Variants in C10orf90 observed in about 807,000 individuals in gnomAD.
The protein encoded by C10orf90 is (E2-independent) E3 ubiquitin-conjugating enzyme FATS.
C10orf90 carries 56 observed loss-of-function variants against 62.5 expected under a neutral mutation model. That is an observed-to-expected ratio of 0.90 (90% CI 0.72 to 1.12). The LOEUF (loss-of-function observed/expected upper bound fraction) is 1.12, where lower values mean the gene tolerates loss of function less well. Ranked by LOEUF, C10orf90 falls within the 50% of genes most tolerant of loss-of-function variation. The pLI, the probability that C10orf90 is intolerant of heterozygous loss-of-function variation, is 0.00. For synonymous variants in C10orf90, 386 were observed against 340.4 expected (o/e 1.13, Z -1.47); for missense variants, 970 against 880.4 (o/e 1.10, Z -1.29).
chr10:126,582,392 C>T (rs188653240), intron 2 of C10orf90, among the ~76,000 whole-genome samples: 5 of 152,304 alleles, frequency 3.3e-5, no homozygotes, highest in African/African-American at 1.2e-4. Flanking sequence ...TTTCTTTTAT[C>T]CTTTTCCACA....
chr10:126,575,158 C>T (rs113212663), intron 2 of C10orf90, among the ~76,000 whole-genome samples: 116 of 151,934 alleles, frequency 7.6e-4, no homozygotes, highest in Admixed American at 1.4e-3. Context: ...CAGAGCAATT[C>T]GGCAAGAAAA....
At chr10:126,538,908 G>A (rs550346921) in intron 2 of C10orf90, among the ~76,000 whole-genome samples, 1 of 152,210 alleles carries the variant, frequency 6.6e-6, no homozygotes, top group Non-Finnish European at 1.5e-5. Context: ...CAATGCCAAG[G>A]CACGATGAAA....
At chr10:126,431,901 CTT>C (rs1204477780) in intron 7 of C10orf90, among the ~76,000 whole-genome samples, 1 of 152,146 alleles carries the variant, frequency 6.6e-6, no homozygotes, top group Admixed American at 6.5e-5. Context: ...CACCTCCACT[CTT>C]GTGTTTCCTC....
intron 7 of C10orf90, among the ~76,000 whole-genome samples, chr10:126,446,502 A>C (rs184390371): frequency 1.7e-4 from 26 of 152,276 alleles, no homozygotes; most frequent in Admixed American, 1.4e-3. Flanking sequence ...TGGGGGGAAA[A>C]AAATCTGTCA....
chr10:126,606,152 C>A lies in C10orf90; in HGVS notation c.313+40413G>T, dbSNP rs374356859. On this transcript the variant is annotated intron_variant, in intron 2 of 9. Transcript: ENST00000488181. ...CCCAGGCATTCTCAAGGGCTCTGCC[C>A]ACAGTCCATGAAGCAACTTCCAAGA... Among the ~76,000 whole-genome samples the A allele has an allele frequency of 5.3e-5, 8 of 152,290 alleles. No homozygotes were observed. The South Asian group carries it at 1.2e-3, about 24-fold the overall frequency.
At chr10:126,502,116 CACCA>C (rs1183008076) in intron 4 of C10orf90, among the ~76,000 whole-genome samples, 5 of 145,680 alleles carry the variant, frequency 3.4e-5, no homozygotes, top group Admixed American at 1.4e-4. Flanking sequence ...CACACACACA[CACCA>C]CACACACACA....
chr10:126,549,294 G>C (rs1246555462), intron 2 of C10orf90, among the ~76,000 whole-genome samples: 2 of 152,106 alleles, frequency 1.3e-5, no homozygotes, highest in Non-Finnish European at 2.9e-5. Flanking sequence ...AATATTTAAA[G>C]AGTTCTCAAA....
At chr10:126,426,887 A>G (rs1857299690) in intron 8 of C10orf90, among the ~76,000 whole-genome samples, 1 of 152,240 alleles carries the variant, frequency 6.6e-6, no homozygotes. Context: ...CAATCTTCGC[A>G]GGAGACATCT....
chr10:126,659,304 G>C (rs1846459352), intron 1 of C10orf90, among the ~76,000 whole-genome samples: 1 of 152,156 alleles, frequency 6.6e-6, no homozygotes, highest in African/African-American at 2.4e-5. Context: ...GTGCATTTGT[G>C]GCTAAAATAA....
chr10:126,454,152 A>T (rs561446412), intron 7 of C10orf90, among the ~76,000 whole-genome samples: 1 of 152,148 alleles, frequency 6.6e-6, no homozygotes, highest in East Asian at 1.9e-4. Context: ...GGCATCCCCT[A>T]TGACCACAGG....
intron 2 of C10orf90, among the ~76,000 whole-genome samples, chr10:126,562,637 C>T (rs1864928621): frequency 6.6e-6 from 1 of 152,156 alleles, no homozygotes; most frequent in Non-Finnish European, 1.5e-5. Flanking sequence ...TGGGATAGGA[C>T]TATTTTGGAT....
Position 126,489,989 on chromosome 10 carries a change from AATATATATT to A in C10orf90, c.1534+13959_1534+13967del, listed in dbSNP as rs1861636288. Among the ~76,000 whole-genome samples the A allele has an allele frequency of 3.6e-5, 4 of 110,416 alleles. No homozygotes were observed. In the Admixed American group the frequency reaches 5.0e-4, roughly 14 times the overall value. The allele number at this position is 110,416 out of a possible 152,430, so 72.4% of individuals were successfully genotyped here. On this transcript the variant is annotated intron_variant, in intron 4 of 9. Coordinates refer to ENST00000488181, the MANE Select transcript of C10orf90 (RefSeq NM_001350921.2). Reference sequence around the variant, plus strand: ...GTATATATACATATAATATATATATAATATATATTATATATTATATATATTATATATAAT... The same window carrying A: ...GTATATATACATATAATATATATATAATATATTATATATATTATATATAAT...
chr10:126,584,135 G>T (rs547955608), intron 2 of C10orf90, among the ~76,000 whole-genome samples: 33 of 150,794 alleles, frequency 2.2e-4, no homozygotes, highest in African/African-American at 6.6e-4. Context: ...AAATATGAGG[G>T]CTCTGACTTG....
At chr10:126,482,575 A>G (rs1381683993) in intron 4 of C10orf90, among the ~76,000 whole-genome samples, 1 of 152,220 alleles carries the variant, frequency 6.6e-6, no homozygotes, top group African/African-American at 2.4e-5. Context: ...GGAATGGAGA[A>G]GCTGAGAGCT....
At chr10:126,441,323 C>G (rs1352880216) in intron 7 of C10orf90, among the ~76,000 whole-genome samples, 1 of 151,982 alleles carries the variant, frequency 6.6e-6, no homozygotes, top group Admixed American at 6.5e-5. Context: ...TTAACCCAAC[C>G]CAACAAAGAC....
At chr10:126,662,108 T>C (rs1846527844) in intron 1 of C10orf90, among the ~76,000 whole-genome samples, 1 of 137,834 alleles carries the variant, frequency 7.3e-6, no homozygotes, top group Non-Finnish European at 1.6e-5. Context: ...AAAAAAAAAG[T>C]TGAACTTTGT....
intron 7 of C10orf90, among the ~76,000 whole-genome samples, chr10:126,449,620 T>C (rs1487658206): frequency 6.6e-6 from 1 of 152,152 alleles, no homozygotes; most frequent in African/African-American, 2.4e-5. Flanking sequence ...TGATCTTATA[T>C]GTAGAAACCC....
intron 1 of C10orf90, among the ~76,000 whole-genome samples, chr10:126,656,605 C>A (rs965620067): frequency 6.6e-6 from 1 of 152,204 alleles, no homozygotes; most frequent in Non-Finnish European, 1.5e-5. Context: ...ATACTACATA[C>A]TTCAGGATTT....
chr10:126,511,423 A>C (rs1863101738), intron 3 of C10orf90, among the ~76,000 whole-genome samples: 1 of 152,134 alleles, frequency 6.6e-6, no homozygotes, highest in African/African-American at 2.4e-5. Flanking sequence ...TGGTGGTATT[A>C]AGTGCATTCA....
Sources: allele counts gnomAD v4.1 joint callset (sites outside exome capture counted in the v4.1 genomes callset), GRCh38; gene constraint gnomAD v4.1.1; transcripts MANE v1.5; gene names NCBI Gene and HGNC (gene_info 2026-07-23, HGNC 2026-07-21).